NEGR1: variants seen among roughly 807,000 people sequenced by gnomAD.
The protein encoded by NEGR1 is neuronal growth regulator 1.
A neutral mutation model predicts 40.9 loss-of-function variants in NEGR1; 10 were observed. The ratio of observed to expected loss-of-function variants is 0.24; its 90% CI spans 0.15 to 0.42. The LOEUF is 0.42. Among genes scored for constraint, NEGR1 ranks in the 10% least tolerant of loss-of-function variants. The pLI is 1.00. For missense variants in NEGR1, 352 were observed against 438.9 expected, an observed-to-expected ratio of 0.80 and a Z score of 1.77; for synonymous variants, 185 against 166.8, an observed-to-expected ratio of 1.11 and a Z score of -0.84.
intron 6 of NEGR1, among the ~76,000 whole-genome samples, chr1:71,552,232 T>C (rs1648107746): frequency 6.6e-6 from 1 of 151,352 alleles, no homozygotes; most frequent in South Asian, 2.1e-4. Flanking sequence ...TTAGATCTGT[T>C]TAACCAGACA....
intron 1 of NEGR1, among the ~76,000 whole-genome samples, chr1:72,103,215 C>T (rs901568593): frequency 2.0e-5 from 3 of 152,026 alleles, no homozygotes; most frequent in African/African-American, 7.2e-5. Flanking sequence ...CTTAAGATTC[C>T]ATATGCTTGT....
chr1:71,747,982 C>T (rs745537141), intron 3 of NEGR1, among the ~76,000 whole-genome samples: 1 of 152,084 alleles, frequency 6.6e-6, no homozygotes, highest in African/African-American at 2.4e-5. Flanking sequence ...ATAAGTCTAC[C>T]AATATATTTT....
intron 4 of NEGR1, among the ~76,000 whole-genome samples, chr1:71,671,620 C>T (rs973390232): frequency 6.6e-6 from 1 of 152,150 alleles, no homozygotes; most frequent in African/African-American, 2.4e-5. Context: ...ATCTCAACTC[C>T]ATCTTGGTCA....
chr1:71,669,946 C>T (rs964164791), intron 4 of NEGR1, among the ~76,000 whole-genome samples: 1 of 152,162 alleles, frequency 6.6e-6, no homozygotes, highest in Non-Finnish European at 1.5e-5. Context: ...CGCACCTGGC[C>T]AATCCTAGGT....
Position 71,790,741 on chromosome 1 carries a change from G to A in NEGR1, c.410-14444C>T, listed in dbSNP as rs534985400. Among the ~76,000 whole-genome samples, 95 of 152,116 alleles carry A rather than the reference G, an allele frequency of 6.2e-4. 2 individuals carry two copies. Among genetic ancestry groups the A allele is most frequent in the Middle Eastern group, 6.8e-3 (2 of 294 alleles). ...TGGAAGACCAGTGGGATTAGAAATG[G>A]GATTACTACACTGAGTGAATGCTTG... On this transcript the variant is annotated intron_variant, in intron 2 of 6. Transcript: ENST00000357731.
chr1:71,948,874 T>C (rs138676869), intron 1 of NEGR1, among the ~76,000 whole-genome samples: 17 of 152,278 alleles, frequency 1.1e-4, no homozygotes, highest in African/African-American at 3.8e-4. Flanking sequence ...GATTGCTGCA[T>C]ATTTTTCGAG....
chr1:72,088,206 G>C (rs2100539449), intron 1 of NEGR1, among the ~76,000 whole-genome samples: 1 of 152,246 alleles, frequency 6.6e-6, no homozygotes, highest in African/African-American at 2.4e-5. Context: ...TAACCTGTTA[G>C]TGTGGTCCCT....
chr1:72,230,007 G>C (rs1279592173), intron 1 of NEGR1, among the ~76,000 whole-genome samples: 1 of 152,060 alleles, frequency 6.6e-6, no homozygotes, highest in African/African-American at 2.4e-5. Flanking sequence ...TGGTTCAGTG[G>C]GAGTTCTCTG....
At chr1:71,675,293 A>T (rs927414208) in intron 4 of NEGR1, among the ~76,000 whole-genome samples, 1 of 150,636 alleles carries the variant, frequency 6.6e-6, no homozygotes, top group Admixed American at 6.7e-5. Flanking sequence ...ACTTTGCATG[A>T]ATACCCAGGA....
chr1:71,500,837 G>T (rs182124021), intron 6 of NEGR1, among the ~76,000 whole-genome samples: 5 of 151,924 alleles, frequency 3.3e-5, no homozygotes, highest in South Asian at 4.2e-4. Flanking sequence ...CTAATAAAAT[G>T]TGCATGTTCT....
At chr1:71,738,265 C>G (rs1317732062) in intron 3 of NEGR1, 1 of 232,560 alleles carries the variant, frequency 4.3e-6, no homozygotes, top group Non-Finnish European at 9.4e-6. Context: ...CTTCTCAGCC[C>G]TGACAGATGT....
intron 3 of NEGR1, among the ~76,000 whole-genome samples, chr1:71,753,512 C>T (rs1195790713): frequency 2.0e-5 from 3 of 152,024 alleles, no homozygotes; most frequent in Non-Finnish European, 4.4e-5. Context: ...TAATTCAGAA[C>T]AGTAATAATC....
intron 5 of NEGR1, among the ~76,000 whole-genome samples, chr1:71,610,422 T>TA (rs1303687046): frequency 6.6e-6 from 1 of 152,196 alleles, no homozygotes; most frequent in African/African-American, 2.4e-5. Context: ...TCTTATTCAG[T>TA]AGCTCTTGCC....
rs190499363 is a variant in NEGR1, at chr1:72,070,733, C to T, written c.177-135422G>A. On this transcript the variant is annotated intron_variant, in intron 1 of 6. Coordinates refer to ENST00000357731, the MANE Select transcript of NEGR1 (RefSeq NM_173808.3). ...AAATATATAACATGTCATATAAACT[C>T]ATCCAACTACATTGTGGTTGTGTTT... Among the ~76,000 whole-genome samples the T allele has an allele frequency of 3.3e-5, 5 of 152,088 alleles. No individual in the cohort carries two copies. In the East Asian group the frequency reaches 9.7e-4, roughly 29 times the overall value.
chr1:71,636,660 T>C (rs1651162139), intron 4 of NEGR1, among the ~76,000 whole-genome samples: 1 of 152,096 alleles, frequency 6.6e-6, no homozygotes, highest in Admixed American at 6.6e-5. Flanking sequence ...CAGGGTATAT[T>C]TGTATTCAAT....
Position 71,561,384 on chromosome 1 carries a change from A to G in NEGR1, c.940+31433T>C, listed in dbSNP as rs186917320. ...TCCTCTAAAAATTTCCGCAGTTTGGATGATAAACTATGAGATCACACTGCT... is the reference window on the plus strand; with the variant it reads ...TCCTCTAAAAATTTCCGCAGTTTGGGTGATAAACTATGAGATCACACTGCT... On this transcript the variant is annotated intron_variant, in intron 6 of 6. Transcript: ENST00000357731. 6.6e-5 allele frequency among the ~76,000 whole-genome samples: 10 copies of G among 151,756 alleles called. No individual in the cohort carries two copies. In the East Asian group the frequency reaches 2.0e-3, roughly 30 times the overall value.
intron 1 of NEGR1, among the ~76,000 whole-genome samples, chr1:72,107,195 T>G (rs1649170940): frequency 6.6e-6 from 1 of 151,786 alleles, no homozygotes; most frequent in Non-Finnish European, 1.5e-5. Flanking sequence ...TTGAGAATAT[T>G]ATAAATTTCA....
intron 1 of NEGR1, among the ~76,000 whole-genome samples, chr1:72,266,878 C>T (rs530303296): frequency 6.6e-6 from 1 of 150,544 alleles, no homozygotes; most frequent in South Asian, 2.1e-4. Context: ...GAAAATGTCC[C>T]ACACAAGACA....
chr1:71,953,455 C>T (rs966573263), intron 1 of NEGR1, among the ~76,000 whole-genome samples: 4 of 151,924 alleles, frequency 2.6e-5, no homozygotes, highest in African/African-American at 9.7e-5. Context: ...GAGATGGTAT[C>T]TACCCCTGGG....
Sources: gnomAD v4.1 joint callset for allele counts (sites outside exome capture counted in the v4.1 genomes callset) on GRCh38, gnomAD v4.1.1 for gene constraint, MANE v1.5 for transcripts, NCBI Gene and HGNC (gene_info 2026-07-23, HGNC 2026-07-21) for gene names.